Variants in CHD7 observed in about 807,000 individuals in gnomAD.
CHD7 encodes the protein chromodomain helicase DNA binding protein 7.
Under a neutral mutation model 307.3 loss-of-function variants are expected in CHD7, and 24 were observed. The observed-to-expected ratio is 0.08, with a 90% CI of 0.06 to 0.11. The LOEUF (loss-of-function observed/expected upper bound fraction) is 0.11. Ranked by LOEUF, CHD7 falls within the 10% of genes least tolerant of loss-of-function variation. The pLI is 1.00. For synonymous variants in CHD7, 1,363 were observed against 1,349.9 expected, an observed-to-expected ratio of 1.01 and a Z score of -0.21; for missense variants, 3,106 against 3,727.1, an observed-to-expected ratio of 0.83 and a Z score of 4.34.
At chr8:60,836,667 A>G (rs1804755945) in intron 16 of CHD7, 150 bp from the exon 17 acceptor site, 2 of 548,722 alleles carry the variant, frequency 3.6e-6, no homozygotes, top group South Asian at 3.3e-5. Flanking sequence ...AAAAACGCCA[A>G]TAAACCCTAT....
chr8:60,715,886 G>A (rs987013294), intron 1 of CHD7, among the ~76,000 whole-genome samples: 3 of 152,186 alleles, frequency 2.0e-5, no homozygotes, highest in African/African-American at 7.2e-5. Flanking sequence ...GGACAGAACA[G>A]TTAACTGTCC....
chr8:60,861,167 C>G (rs1356672207), intron 35 of CHD7, 42 bp downstream of exon 35: 2 of 1,447,482 alleles, frequency 1.4e-6, no homozygotes, highest in Non-Finnish European at 1.9e-6. Context: ...ATCTTGCAGG[C>G]CGGTCCACTT....
At chr8:60,773,449 G>C (rs953181889) in intron 2 of CHD7, among the ~76,000 whole-genome samples, 2 of 152,192 alleles carry the variant, frequency 1.3e-5, no homozygotes, top group Non-Finnish European at 2.9e-5. Flanking sequence ...AAGCAACAGA[G>C]ACACATCAAA....
intron 3 of CHD7, among the ~76,000 whole-genome samples, chr8:60,783,516 G>C (rs2150674803): frequency 6.6e-6 from 1 of 152,338 alleles, no homozygotes; most frequent in South Asian, 2.1e-4. Context: ...TGCTGAATCT[G>C]AGTGTTGGCT....
At chr8:60,775,292 T>C (rs902209101) in intron 2 of CHD7, among the ~76,000 whole-genome samples, 6 of 152,282 alleles carry the variant, frequency 3.9e-5, no homozygotes, top group Admixed American at 3.3e-4. Flanking sequence ...TTTTACTTTG[T>C]AATTATCTTG....
chr8:60,759,428 TCTCTCCCG>T (rs1395880968), intron 2 of CHD7, among the ~76,000 whole-genome samples: 3 of 151,140 alleles, frequency 2.0e-5, no homozygotes, highest in Admixed American at 6.6e-5. Flanking sequence ...TCCCTCTCCC[TCTCTCCCG>T]CTCTCTGTCT....
chr8:60,865,735 C>T lies in CHD7; in HGVS notation c.8796C>T (p.Gly2932=), dbSNP rs1216803669. The change falls in exon 38 of 38, where the codon GGC becomes GGT. Residue 2932 remains glycine, a synonymous_variant. Coordinates refer to ENST00000423902, the MANE Select transcript of CHD7 (RefSeq NM_017780.4). The surrounding 1 kb of genome is among the most constrained non-coding windows in gnomAD (Gnocchi z 4.3). ...TGGCAGGACTTCAGAATGCCGTGGG[C>T]TCCAGCGAAGAAAAGGCTGCTGACA... The part of the protein sequence containing the change: ...PALAGLQNAV[G]SSEEKAADKA... 2.5e-5 allele frequency: 41 copies of T among 1,612,026 alleles called. No individual in the cohort carries two copies. The East Asian group carries it at 9.1e-4, about 36-fold the overall frequency.
chr8:60,775,332 C>CAA lies in CHD7; in HGVS notation c.1666-5667_1666-5666dup, dbSNP rs576477864. On this transcript the variant is annotated intron_variant, in intron 2 of 37. Coordinates refer to ENST00000423902, the MANE Select transcript of CHD7 (RefSeq NM_017780.4). ...ATAGGAATATGTAACAAAAATTATA[C>CAA]AAGTCATTCTTATATGCTTATACTA... Among the ~76,000 whole-genome samples, 18 of 44,754 alleles carry CAA rather than the reference C, an allele frequency of 4.0e-4. No individual in the cohort carries two copies. The East Asian group carries it at 0.048, about 120-fold the overall frequency. 29.4% of individuals were successfully genotyped at this position (44,754 alleles called of 152,430 possible). A position where few individuals can be genotyped will look rare whatever the true frequency, so the allele number is the denominator to read the frequency against.
In CHD7 at chr8:60,822,316, A is replaced by G. The variant is rs572406344; in HGVS notation, c.2957+171A>G. Among the ~76,000 whole-genome samples the G allele has an allele frequency of 2.8e-4, 42 of 152,344 alleles. No individual in the cohort carries two copies. The highest frequency in any genetic ancestry group is 9.2e-4 in the Admixed American group (14 of 15,300). On this transcript the variant is annotated intron_variant, in intron 11 of 37. Coordinates refer to ENST00000423902, the MANE Select transcript of CHD7 (RefSeq NM_017780.4). ...AATAAATATTAATACAGAGATTGAT[A>G]TAAGTGTGTAAAAATAATTTTTATT...
At chr8:60,748,382 C>G (rs1241773853) in intron 2 of CHD7, among the ~76,000 whole-genome samples, 2 of 152,134 alleles carry the variant, frequency 1.3e-5, no homozygotes, top group East Asian at 3.8e-4. Context: ...GAATGTAGGT[C>G]TGGGGCTTAG....
chr8:60,805,062 T>TA (rs1489955498), intron 6 of CHD7, among the ~76,000 whole-genome samples: 1 of 152,184 alleles, frequency 6.6e-6, no homozygotes, highest in Admixed American at 6.5e-5. Flanking sequence ...TTCTTTGACT[T>TA]AGTTATTCAT....
intron 2 of CHD7, among the ~76,000 whole-genome samples, chr8:60,762,772 C>T (rs1810281096): frequency 6.6e-6 from 1 of 152,166 alleles, no homozygotes; most frequent in Non-Finnish European, 1.5e-5. Context: ...GTCGTAGCTT[C>T]AGTGTGTGGG....
chr8:60,836,776 G>A lies in CHD7; in HGVS notation c.3990-41G>A, dbSNP rs546631712. The A allele has an allele frequency of 4.4e-5, 63 of 1,443,274 alleles. 1 individual carries two copies. In the South Asian group the frequency reaches 5.4e-4, roughly 12 times the overall value. 89.4% of individuals were successfully genotyped at this position (1,443,274 alleles called of 1,614,324 possible). A position where few individuals can be genotyped will look rare whatever the true frequency, so the allele number is the denominator to read the frequency against. The stretch of plus-strand genomic sequence containing the variant: ...TAAAAAAAGGAGCAAGTATGTTGTC[G>A]CTATGCGTCAGGCCTCCTTGTTCAC... On this transcript the variant is annotated intron_variant, in intron 16 of 37. Coordinates refer to ENST00000423902, the MANE Select transcript of CHD7 (RefSeq NM_017780.4).
intron 7 of CHD7, 33 bp from the exon 8 acceptor site, chr8:60,816,354 A>G (rs745491217): frequency 1.8e-6 from 2 of 1,117,294 alleles, no homozygotes; most frequent in Non-Finnish European, 2.6e-6. Context: ...ATTATATTCT[A>G]CATATTTCAA....
At chr8:60,789,909 TG>T (rs1292242911) in intron 3 of CHD7, among the ~76,000 whole-genome samples, 1 of 152,248 alleles carries the variant, frequency 6.6e-6, no homozygotes, top group African/African-American at 2.4e-5. Context: ...GTTCTTCAAA[TG>T]CCTGCTTCTA....
rs1435775458 is a variant in CHD7, at chr8:60,856,779, G to T, written c.7499G>T (p.Gly2500Val). The change falls in exon 34 of 38, where the codon GGC (glycine) becomes GTC (valine). Residue 2500 changes from glycine to valine, a missense_variant. By Grantham distance (109) the Gly-to-Val change is moderately radical. This residue lies in a region of CHD7 where 1,030 missense variants were observed against 1,165.4 expected (regional missense o/e 0.88). Coordinates refer to ENST00000423902, the MANE Select transcript of CHD7 (RefSeq NM_017780.4). ...ACACCCACAAGGCATCTCCTTAATG[G>T]CTCCCTAGTGGATGGAGAGCCTCCC... ...SRTPTRHLLN[G>V]SLVDGEPPMK... The T allele has an allele frequency of 1.2e-6, 2 of 1,613,180 alleles. No homozygotes were observed. Among genetic ancestry groups the T allele is most frequent in the Non-Finnish European group, 1.7e-6 (2 of 1,179,478 alleles).
intron 35 of CHD7, chr8:60,861,718 A>C (rs1805987321): frequency 6.5e-6 from 1 of 153,834 alleles, no homozygotes; most frequent in African/African-American, 2.4e-5. Flanking sequence ...TTAAATGTAG[A>C]GTTTTACATT....
chr8:60,828,551 T>C, intron 13 of CHD7, 112 bp from the exon 14 acceptor site: 1 of 949,604 alleles, frequency 1.1e-6, no homozygotes, highest in Non-Finnish European at 1.5e-6. Flanking sequence ...TCCTATACTT[T>C]GCATAGGGTA....
chr8:60,792,181 T>A (rs1811808036), intron 3 of CHD7, among the ~76,000 whole-genome samples: 2 of 152,248 alleles, frequency 1.3e-5, no homozygotes, highest in Admixed American at 1.3e-4. Context: ...TTGTCTTGAC[T>A]CATATCAGTG....
Sources: allele counts gnomAD v4.1 joint callset (sites outside exome capture counted in the v4.1 genomes callset), GRCh38; gene constraint gnomAD v4.1.1; regional missense constraint gnomAD v4.1.1; non-coding constraint Gnocchi (gnomAD v3.1); transcripts MANE v1.5; gene names NCBI Gene and HGNC (gene_info 2026-07-23, HGNC 2026-07-21).